PCDHA2: variants seen among roughly 807,000 people sequenced by gnomAD.
The protein encoded by PCDHA2 is protocadherin alpha 2.
Under a neutral mutation model 66.0 loss-of-function variants are expected in PCDHA2, and 58 were observed. The ratio of observed to expected loss-of-function variants is 0.88; its 90% CI spans 0.71 to 1.09. The LOEUF is 1.09. Ranked by LOEUF, PCDHA2 falls within the 50% of genes least tolerant of loss-of-function variation. PCDHA2 has a pLI of 0.00. For missense variants in PCDHA2, 1,267 were observed against 1,242.3 expected (o/e 1.02, Z -0.30); for synonymous variants, 634 against 554.0 (o/e 1.14, Z -2.03).
At chr5:140,829,507 C>G in intron 1 of PCDHA2, 1 of 1,613,584 alleles carries the variant, frequency 6.2e-7, no homozygotes, top group Admixed American at 1.7e-5. Context: ...CGCCGGGCTG[C>G]CACATCTTCA....
Position 140,978,838 on chromosome 5 carries a change from A to G in PCDHA2, c.2389-111A>G, listed in dbSNP as rs571929271. 3.9e-6 allele frequency: 6 copies of G among 1,554,610 alleles called. No homozygotes were observed. In the African/African-American group the frequency reaches 5.5e-5, roughly 14 times the overall value. On this transcript the variant is annotated intron_variant, in intron 1 of 3. Transcript: ENST00000526136. ...TTACACATGAAATGGCTCATTCAAT[A>G]CTTTTTTAGATGCCTGGAAATATTT... is the stretch of plus-strand genomic sequence containing the variant.
chr5:140,968,208 AC>A, intron 1 of PCDHA2: 1 of 1,614,022 alleles, frequency 6.2e-7, no homozygotes, highest in Non-Finnish European at 8.5e-7. Context: ...ATACAGGAGA[AC>A]AATTTGCCAG....
chr5:140,819,080 C>A (rs1036053903), intron 1 of PCDHA2, among the ~76,000 whole-genome samples: 1 of 152,100 alleles, frequency 6.6e-6, no homozygotes, highest in Admixed American at 6.5e-5. Flanking sequence ...ATACAGGCAG[C>A]GCTAAGATGT....
chr5:140,854,117 G>T, intron 1 of PCDHA2: 1 of 316,936 alleles, frequency 3.2e-6, no homozygotes, highest in Non-Finnish European at 4.3e-6. Flanking sequence ...AACTGTGATG[G>T]CACAACTGCA....
At chr5:140,872,910 T>C (rs2053978401) in intron 1 of PCDHA2, among the ~76,000 whole-genome samples, 2 of 152,232 alleles carry the variant, frequency 1.3e-5, no homozygotes, top group African/African-American at 4.8e-5. Context: ...CTCTATCTTG[T>C]AATGCCTTAT....
rs190030565 is a variant in PCDHA2, at chr5:140,999,153, C to T, written c.2537-10474C>T. Among the ~76,000 whole-genome samples, 42 of 152,242 alleles carry T rather than the reference C, an allele frequency of 2.8e-4. 1 individual carries two copies. In the East Asian group the frequency reaches 5.2e-3, roughly 19 times the overall value. Reference sequence around the variant, plus strand: ...AATGTCACAGCCGGAAGTCTTCAGTCCCCTAGAAGGAAAAGAGCCTGATGG... The same window carrying T: ...AATGTCACAGCCGGAAGTCTTCAGTTCCCTAGAAGGAAAAGAGCCTGATGG... On this transcript the variant is annotated intron_variant, in intron 3 of 3. Coordinates refer to ENST00000526136, the MANE Select transcript of PCDHA2 (RefSeq NM_018905.3).
intron 1 of PCDHA2, chr5:140,930,201 A>G (rs1185112868): frequency 6.6e-6 from 1 of 152,178 alleles, no homozygotes; most frequent in Non-Finnish European, 1.5e-5. Flanking sequence ...TTATGTCAGA[A>G]ATATTTATGT....
intron 1 of PCDHA2, among the ~76,000 whole-genome samples, chr5:140,917,700 T>C (rs879971168): frequency 2.0e-5 from 3 of 152,166 alleles, no homozygotes; most frequent in Non-Finnish European, 4.4e-5. Flanking sequence ...GATCAGATAA[T>C]TGTAGGTGTG....
chr5:140,869,614 A>T lies in PCDHA2; in HGVS notation c.2388+72262A>T, dbSNP rs1554163296. ...TGAAGAGAATGCTCTATTGACCTACAGGCTAAGTAAAAATGAGTATTTTTC... is the reference window on the plus strand; with the variant it reads ...TGAAGAGAATGCTCTATTGACCTACTGGCTAAGTAAAAATGAGTATTTTTC... On this transcript the variant is annotated intron_variant, in intron 1 of 3. Transcript: ENST00000526136. 2 of 1,613,940 alleles carry T rather than the reference A, an allele frequency of 1.2e-6. No homozygotes were observed. The highest frequency in any genetic ancestry group is 4.5e-5 in the East Asian group (2 of 44,886).
chr5:140,828,508 A>G (rs2150156206), intron 1 of PCDHA2: 4 of 1,614,216 alleles, frequency 2.5e-6, no homozygotes, highest in Non-Finnish European at 3.4e-6. Flanking sequence ...AGGAACAAAG[A>G]GTGCTGATTT....
At chr5:140,871,840 C>G (rs1214510248) in intron 1 of PCDHA2, among the ~76,000 whole-genome samples, 1 of 152,256 alleles carries the variant, frequency 6.6e-6, no homozygotes, top group Admixed American at 6.5e-5. Context: ...CTCTAAACTT[C>G]AATTATGACC....
At chr5:140,822,983 A>G (rs2150121029) in intron 1 of PCDHA2, 2 of 1,614,216 alleles carry the variant, frequency 1.2e-6, no homozygotes, top group South Asian at 1.1e-5. Context: ...TTCAAGAATT[A>G]CTACTCGTTG....
At chr5:140,802,472 G>T (rs1366782376) in intron 1 of PCDHA2, 1 of 1,614,102 alleles carries the variant, frequency 6.2e-7, no homozygotes, top group African/African-American at 1.3e-5. Context: ...AGCTGGTGGT[G>T]ACTGCTCGGG....
intron 1 of PCDHA2, among the ~76,000 whole-genome samples, chr5:140,946,098 A>G (rs1249581075): frequency 6.6e-6 from 1 of 152,114 alleles, no homozygotes; most frequent in Non-Finnish European, 1.5e-5. Flanking sequence ...AGGAGTTAAC[A>G]TACCAAATAT....
chr5:140,968,068 C>T (rs1554230278), intron 1 of PCDHA2: 1 of 1,614,024 alleles, frequency 6.2e-7, no homozygotes, highest in East Asian at 2.2e-5. Context: ...GGGTGGCTGT[C>T]TACAACATCA....
intron 1 of PCDHA2, among the ~76,000 whole-genome samples, chr5:140,907,506 A>G (rs1418997042): frequency 2.6e-5 from 4 of 152,234 alleles, no homozygotes; most frequent in Non-Finnish European, 5.9e-5. Flanking sequence ...GTAAGTGTCT[A>G]TTCCAGTGAG....
At chr5:140,833,463 ATT>A (rs1554133852) in intron 1 of PCDHA2, among the ~76,000 whole-genome samples, 3 of 152,250 alleles carry the variant, frequency 2.0e-5, no homozygotes, top group Non-Finnish European at 4.4e-5. Context: ...ATAAACTTAC[ATT>A]TTAAAAGAAA....
At chr5:140,955,654 A>G (rs2095214723) in intron 1 of PCDHA2, among the ~76,000 whole-genome samples, 1 of 152,208 alleles carries the variant, frequency 6.6e-6, no homozygotes, top group South Asian at 2.1e-4. Flanking sequence ...TAATACACAT[A>G]TGAATTTTAA....
At chr5:140,943,144 G>C (rs894787678) in intron 1 of PCDHA2, among the ~76,000 whole-genome samples, 1 of 151,178 alleles carries the variant, frequency 6.6e-6, no homozygotes, top group Non-Finnish European at 1.5e-5. Context: ...TGTAGTCCCA[G>C]CTACTCTGGA....
Sources: allele counts gnomAD v4.1 joint callset (sites outside exome capture counted in the v4.1 genomes callset), GRCh38; gene constraint gnomAD v4.1.1; transcripts MANE v1.5; gene names NCBI Gene and HGNC (gene_info 2026-07-23, HGNC 2026-07-21).